KDM4C: variants seen among roughly 807,000 people sequenced by gnomAD.
KDM4C encodes lysine-specific demethylase 4C.
KDM4C carries 81 observed loss-of-function variants against 129.3 expected under a neutral mutation model. That is an observed-to-expected ratio of 0.63 (90% CI 0.52 to 0.75). The LOEUF (loss-of-function observed/expected upper bound fraction) is 0.75, where lower values mean the gene tolerates loss of function less well. Ranked by LOEUF, KDM4C falls within the 30% of genes least tolerant of loss-of-function variation. The pLI is 0.00. For synonymous variants in KDM4C, 573 were observed against 456.1 expected, an observed-to-expected ratio of 1.26 and a Z score of -3.26; for missense variants, 1,457 against 1,304.0, an observed-to-expected ratio of 1.12 and a Z score of -1.81.
intron 4 of KDM4C, among the ~76,000 whole-genome samples, chr9:6,848,739 G>A (rs1838309059): frequency 6.6e-6 from 1 of 151,960 alleles, no homozygotes; most frequent in South Asian, 2.1e-4. Flanking sequence ...AACTCTTATA[G>A]TAGTGACTCT....
chr9:6,871,531 G>T (rs938023676), intron 5 of KDM4C, among the ~76,000 whole-genome samples: 12 of 152,142 alleles, frequency 7.9e-5, no homozygotes, highest in Admixed American at 7.9e-4. Flanking sequence ...CAGTACTTGA[G>T]CAATATGCAG....
intron 17 of KDM4C, among the ~76,000 whole-genome samples, chr9:7,080,651 A>G (rs1834420546): frequency 6.6e-6 from 1 of 152,322 alleles, no homozygotes; most frequent in South Asian, 2.1e-4. Context: ...TGGGGCAGAC[A>G]TTTTACATAA....
intron 4 of KDM4C, among the ~76,000 whole-genome samples, chr9:6,838,380 G>A (rs1252129246): frequency 1.3e-5 from 2 of 152,034 alleles, no homozygotes; most frequent in African/African-American, 4.8e-5. Context: ...GTTAATTTGT[G>A]GAATAATTCT....
At chr9:7,099,173 T>C (rs2133111697) in intron 17 of KDM4C, among the ~76,000 whole-genome samples, 1 of 150,614 alleles carries the variant, frequency 6.6e-6, no homozygotes, top group Non-Finnish European at 1.5e-5. Flanking sequence ...CACACCTATT[T>C]TGGAATACCT....
At position 7,164,739 on chromosome 9, in the gene KDM4C, A is replaced by G. The variant is rs532036787; in HGVS notation, c.2782-499A>G. ...TAGTCTCCCATAGCTTCACTCCTCC[A>G]GAGATCCTGGCAACTTAAAGCCTCG... On this transcript the variant is annotated intron_variant, in intron 19 of 21. Transcript: ENST00000381309. Among the ~76,000 whole-genome samples, 178 of 152,280 alleles carry G rather than the reference A, an allele frequency of 1.2e-3. 1 individual carries two copies. Among genetic ancestry groups the G allele is most frequent in the African/African-American group, 4.1e-3 (170 of 41,558 alleles).
intron 1 of KDM4C, among the ~76,000 whole-genome samples, chr9:6,746,265 T>TGG (rs1817870431): frequency 6.8e-5 from 7 of 102,576 alleles, no homozygotes; most frequent in African/African-American, 3.3e-4. Flanking sequence ...TATATATGTT[T>TGG]TTTTTTTTTT....
intron 20 of KDM4C, among the ~76,000 whole-genome samples, chr9:7,167,333 C>T (rs897904936): frequency 2.0e-5 from 3 of 152,058 alleles, no homozygotes; most frequent in South Asian, 4.2e-4. Flanking sequence ...GAGTCCCAGG[C>T]GAACTAGGAC....
intron 1 of KDM4C, among the ~76,000 whole-genome samples, chr9:6,778,248 C>A (rs577829670): frequency 6.6e-6 from 1 of 151,810 alleles, no homozygotes; most frequent in East Asian, 2.0e-4. Context: ...TGCCACCACC[C>A]CTGGCTAATT....
At chr9:6,863,957 G>A (rs768897564) in intron 5 of KDM4C, among the ~76,000 whole-genome samples, 44 of 152,052 alleles carry the variant, frequency 2.9e-4, no homozygotes, top group Non-Finnish European at 3.2e-4. Flanking sequence ...CCTCCCATTA[G>A]GCCCCACCTC....
At chr9:6,881,330 T>C (rs1440851392) in intron 6 of KDM4C, among the ~76,000 whole-genome samples, 1 of 152,222 alleles carries the variant, frequency 6.6e-6, no homozygotes. Context: ...TAATACATAA[T>C]AGTAATAATA....
At chr9:7,001,973 G>T (rs1820805028) in intron 12 of KDM4C, among the ~76,000 whole-genome samples, 1 of 152,078 alleles carries the variant, frequency 6.6e-6, no homozygotes. Flanking sequence ...GCTCACTGCA[G>T]CATCCGCCTC....
intron 5 of KDM4C, among the ~76,000 whole-genome samples, chr9:6,872,982 A>G (rs975490744): frequency 6.6e-6 from 1 of 152,106 alleles, no homozygotes; most frequent in Non-Finnish European, 1.5e-5. Flanking sequence ...GCTGGAGTGC[A>G]ATGGTGCAAT....
intron 15 of KDM4C, among the ~76,000 whole-genome samples, chr9:7,041,420 C>T (rs931470172): frequency 4.6e-5 from 7 of 151,996 alleles, no homozygotes; most frequent in South Asian, 4.2e-4. Flanking sequence ...TACTGAGGGT[C>T]GACTGTACTT....
intron 12 of KDM4C, among the ~76,000 whole-genome samples, chr9:7,009,630 C>G (rs1382424211): frequency 6.6e-6 from 1 of 152,184 alleles, no homozygotes; most frequent in East Asian, 1.9e-4. Context: ...CTCTCTACTA[C>G]TTTCGTATCA....
At chr9:6,788,329 C>A (rs559316682) in intron 1 of KDM4C, among the ~76,000 whole-genome samples, 11 of 152,206 alleles carry the variant, frequency 7.2e-5, no homozygotes, top group African/African-American at 2.4e-4. Flanking sequence ...TTCCTTTTTC[C>A]TATTGGCTTT....
At chr9:6,977,860 C>T (rs1259874646) in intron 8 of KDM4C, among the ~76,000 whole-genome samples, 1 of 152,086 alleles carries the variant, frequency 6.6e-6, no homozygotes, top group African/African-American at 2.4e-5. Flanking sequence ...TCTTCAGAAC[C>T]ACTATGCACT....
intron 12 of KDM4C, among the ~76,000 whole-genome samples, chr9:7,003,817 A>G (rs1049957229): frequency 2.6e-5 from 4 of 152,222 alleles, no homozygotes; most frequent in Non-Finnish European, 4.4e-5. Context: ...ACTTAAATAT[A>G]GTTTCATACA....
At chr9:6,729,191 AAAGCT>A (rs1817243397) in intron 1 of KDM4C, among the ~76,000 whole-genome samples, 4 of 66,446 alleles carry the variant, frequency 6.0e-5, no homozygotes, top group African/African-American at 3.0e-4. Context: ...GCGACAGAGC[AAAGCT>A]CCGTCTCCAA....
chr9:6,849,718 T>C lies in KDM4C; in HGVS notation c.629+18T>C, dbSNP rs562897953. The stretch of plus-strand genomic sequence containing the variant: ...AAGTCTTGGCAAGTTACTTGTTTAA[T>C]ATTCATTTACTTTGGAGTTTTGAAA... On this transcript the variant is annotated intron_variant, in intron 5 of 21. Coordinates refer to ENST00000381309, the MANE Select transcript of KDM4C (RefSeq NM_015061.6). 1.3e-5 allele frequency: 20 copies of C among 1,537,174 alleles called. No homozygotes were observed. In the Admixed American group the frequency reaches 2.6e-4, roughly 20 times the overall value.
Sources: gnomAD v4.1 joint callset for allele counts (sites outside exome capture counted in the v4.1 genomes callset) on GRCh38, gnomAD v4.1.1 for gene constraint, MANE v1.5 for transcripts, NCBI Gene and HGNC (gene_info 2026-07-23, HGNC 2026-07-21) for gene names.